Variants in TTC28 observed in about 807,000 individuals in gnomAD.
TTC28 encodes the protein tetratricopeptide repeat domain 28, also known as tetratricopeptide repeat protein 28.
TTC28 carries 61 observed loss-of-function variants against 198.0 expected under a neutral mutation model. The ratio of observed to expected loss-of-function variants is 0.31; its 90% CI spans 0.25 to 0.38. TTC28 has a LOEUF of 0.38. TTC28 is among the 10% of genes least tolerant of loss of function. TTC28 has a pLI of 1.00. For synonymous variants in TTC28, 1,171 were observed against 1,297.8 expected (o/e 0.90, Z 2.10); for missense variants, 2,678 against 3,164.0 (o/e 0.85, Z 3.69).
Position 28,101,254 on chromosome 22 carries a change from G to A in TTC28, c.3334C>T (p.Arg1112Ter), listed in dbSNP as rs776535088. 2 of 1,551,550 alleles carry A rather than the reference G, an allele frequency of 1.3e-6. No homozygotes were observed. Among genetic ancestry groups the A allele is most frequent in the Non-Finnish European group, 1.7e-6 (2 of 1,146,890 alleles). Residue 1112 changes from arginine (R) to a stop codon, truncating the protein, a stop_gained, in exon 9 of 23, where the codon CGA becomes TGA. Coordinates refer to ENST00000397906, the MANE Select transcript of TTC28 (RefSeq NM_001145418.2). LOFTEE classifies it high-confidence loss of function. ...CGAATTTTTGCCTCATCTTCTCTTC[G>A]GCCCAGTTGCTCAGCTAACCTTAAA... ...EGLRLAEQLGRREDEAKIRHG... is the reference protein window; with the variant it reads ...EGLRLAEQLG
intron 12 of TTC28, among the ~76,000 whole-genome samples, chr22:28,049,802 G>A (rs2146700815): frequency 6.6e-6 from 1 of 152,230 alleles, no homozygotes; most frequent in African/African-American, 2.4e-5. Context: ...CTTGGCACAT[G>A]AGAGCTGTGT....
rs1491518642 is a variant in TTC28 at position 28,032,218 on chromosome 22, A to AT, written c.3933-1853_3933-1852insA. ...ATATATATATAAAATATATATATATAAAATATATATATATAAAATATATAT... is the reference window on the plus strand; with the variant it reads ...ATATATATATAAAATATATATATATATAAATATATATATATAAAATATATAT... On this transcript the variant is annotated intron_variant, in intron 12 of 22. Coordinates refer to ENST00000397906, the MANE Select transcript of TTC28 (RefSeq NM_001145418.2). 1.2e-3 allele frequency among the ~76,000 whole-genome samples: 135 copies of AT among 114,626 alleles called. 1 individual carries two copies. The highest frequency in any genetic ancestry group is 1.9e-3 in the Non-Finnish European group (105 of 55,086). 75.2% of individuals were successfully genotyped at this position (114,626 alleles called of 152,430 possible). A position where few individuals can be genotyped will look rare whatever the true frequency, so the allele number is the denominator to read the frequency against.
At chr22:28,031,047 C>T (rs1939054506) in intron 12 of TTC28, among the ~76,000 whole-genome samples, 1 of 152,204 alleles carries the variant, frequency 6.6e-6, no homozygotes, top group Non-Finnish European at 1.5e-5. Flanking sequence ...CAGACTTTAA[C>T]AGAACATCCC....
At chr22:28,179,485 A>G (rs1923497953) in intron 5 of TTC28, among the ~76,000 whole-genome samples, 2 of 152,230 alleles carry the variant, frequency 1.3e-5, no homozygotes, top group South Asian at 4.2e-4. Flanking sequence ...GGCCATTCAC[A>G]AATGCTGACT....
rs895750213 is a variant in TTC28, at chr22:28,296,257, C to T, written c.874G>A (p.Glu292Lys). Residue 292 changes from glutamate to lysine, a missense_variant, in exon 5 of 23, where the codon GAG becomes AAG. By Grantham distance (56) the Glu-to-Lys change is moderately conservative. This residue lies in a region of TTC28 where 775 missense variants were observed against 845.9 expected (regional missense o/e 0.92). Transcript: ENST00000397906. ...SAFFSKGNYR[E>K]ALTNHRHQLV... The stretch of plus-strand genomic sequence containing the variant: ...TGATGCCTGTGGTTAGTGAGAGCCT[C>T]CCGGTAATTTCCTTTGGAGAAGAAT... The T allele has an allele frequency of 6.4e-7, 1 of 1,550,970 alleles. No homozygotes were observed. The highest frequency in any genetic ancestry group is 2.4e-5 in the East Asian group (1 of 40,906).
chr22:28,088,853 G>A (rs1171299615), intron 12 of TTC28, among the ~76,000 whole-genome samples: 2 of 152,178 alleles, frequency 1.3e-5, no homozygotes, highest in African/African-American at 4.8e-5. Context: ...AGTGGGCGAA[G>A]GACATGAACA....
At chr22:28,670,207 C>T (rs9613662) in intron 1 of TTC28, among the ~76,000 whole-genome samples, 15 of 151,944 alleles carry the variant, frequency 9.9e-5, no homozygotes, top group Admixed American at 5.2e-4. Context: ...TTTCACATAT[C>T]GTAAAACTTA....
chr22:28,611,185 C>T (rs1471322084), intron 2 of TTC28, among the ~76,000 whole-genome samples: 1 of 151,844 alleles, frequency 6.6e-6, no homozygotes, highest in Non-Finnish European at 1.5e-5. Flanking sequence ...CCAACCCAGA[C>T]CAACATTCAA....
At chr22:28,177,540 GA>G (rs1247583854) in intron 5 of TTC28, among the ~76,000 whole-genome samples, 1 of 152,142 alleles carries the variant, frequency 6.6e-6, no homozygotes, top group Non-Finnish European at 1.5e-5. Flanking sequence ...ATGTCCACAC[GA>G]AAACCTGTGC....
At chr22:28,598,989 G>A (rs561596554) in intron 2 of TTC28, among the ~76,000 whole-genome samples, 1 of 152,138 alleles carries the variant, frequency 6.6e-6, no homozygotes, top group African/African-American at 2.4e-5. Flanking sequence ...CACAAGCACA[G>A]GCAAGATTCT....
chr22:28,095,500 T>C (rs2146861333), intron 11 of TTC28, among the ~76,000 whole-genome samples: 1 of 152,296 alleles, frequency 6.6e-6, no homozygotes, highest in Non-Finnish European at 1.5e-5. Context: ...TTACCAATTA[T>C]AAGATCCACT....
intron 2 of TTC28, among the ~76,000 whole-genome samples, chr22:28,319,183 C>G (rs561330361): frequency 1.3e-5 from 2 of 151,966 alleles, no homozygotes; most frequent in Non-Finnish European, 2.9e-5. Flanking sequence ...GTTTTTTGGG[C>G]GTATATTTTT....
chr22:28,177,099 G>T (rs1298179907), intron 5 of TTC28, among the ~76,000 whole-genome samples: 1 of 152,130 alleles, frequency 6.6e-6, no homozygotes, highest in African/African-American at 2.4e-5. Flanking sequence ...GTCACAGACG[G>T]CGAGAAAACA....
intron 2 of TTC28, among the ~76,000 whole-genome samples, chr22:28,342,788 T>C: frequency 6.6e-6 from 1 of 152,180 alleles, no homozygotes; most frequent in East Asian, 1.9e-4. Context: ...CATAAGCTCT[T>C]GATCACATTA....
intron 13 of TTC28, among the ~76,000 whole-genome samples, chr22:28,025,763 A>C (rs1938806364): frequency 1.3e-5 from 2 of 152,218 alleles, no homozygotes; most frequent in African/African-American, 4.8e-5. Flanking sequence ...CCTGTTACTC[A>C]GGAGGCTGAG....
chr22:28,654,301 T>C (rs2051609542), intron 1 of TTC28, among the ~76,000 whole-genome samples: 2 of 152,190 alleles, frequency 1.3e-5, no homozygotes, highest in Admixed American at 6.6e-5. Context: ...GGTGAGGAAC[T>C]GCTCAGAGGT....
At chr22:28,296,362 T>C (rs772020870) in intron 4 of TTC28, 34 bp from the exon 5 acceptor site, 2 of 1,477,188 alleles carry the variant, frequency 1.4e-6, no homozygotes, top group South Asian at 2.8e-5. Context: ...AAAGAAAAAA[T>C]TTCTCTAAGT....
At chr22:28,418,695 T>A (rs985729335) in intron 2 of TTC28, among the ~76,000 whole-genome samples, 1 of 152,228 alleles carries the variant, frequency 6.6e-6, no homozygotes, top group African/African-American at 2.4e-5. Flanking sequence ...GAGATTTTTT[T>A]AGTATATTTT....
At chr22:28,187,387 G>A (rs1924298025) in intron 5 of TTC28, among the ~76,000 whole-genome samples, 1 of 152,170 alleles carries the variant, frequency 6.6e-6, no homozygotes, top group Non-Finnish European at 1.5e-5. Context: ...TGAGCTGTCA[G>A]AAAGACAGAA....
Sources: gnomAD v4.1 joint callset for allele counts (sites outside exome capture counted in the v4.1 genomes callset) on GRCh38, gnomAD v4.1.1 for gene constraint, gnomAD v4.1.1 regional missense constraint, MANE v1.5 for transcripts, NCBI Gene and HGNC (gene_info 2026-07-23, HGNC 2026-07-21) for gene names.